QKI: variants seen among roughly 807,000 people sequenced by gnomAD.
The protein encoded by QKI is QKI, KH domain containing RNA binding, also known as KH domain-containing RNA-binding protein QKI.
In QKI, 10 loss-of-function variants were observed where a neutral mutation model predicts 39.0. That is an observed-to-expected ratio of 0.26 (90% CI 0.16 to 0.43). QKI has a LOEUF of 0.43. Ranked by LOEUF, QKI falls within the 20% of genes least tolerant of loss-of-function variation. The pLI is 1.00. For synonymous variants in QKI, 204 were observed against 155.4 expected, an observed-to-expected ratio of 1.31 and a Z score of -2.33; for missense variants, 218 against 428.0, an observed-to-expected ratio of 0.51 and a Z score of 4.33.
At chr6:163,415,585 G>C (rs1787387060) in intron 1 of QKI, among the ~76,000 whole-genome samples, 1 of 151,740 alleles carries the variant, frequency 6.6e-6, no homozygotes, top group Non-Finnish European at 1.5e-5. Flanking sequence ...CGTCCAAGTT[G>C]GCGCGTTGCG....
chr6:163,416,412 C>G (rs1211960350), intron 1 of QKI: 1 of 160,490 alleles, frequency 6.2e-6, no homozygotes, highest in African/African-American at 2.4e-5. Context: ...ATCGACTGGC[C>G]AGGAGTTTGT....
At chr6:163,416,546 A>G (rs528754342) in intron 1 of QKI, 2 of 152,442 alleles carry the variant, frequency 1.3e-5, no homozygotes, top group East Asian at 1.9e-4. Context: ...TTTTAAAAAT[A>G]GAGTCGGGGA....
intron 2 of QKI, among the ~76,000 whole-genome samples, chr6:163,475,456 A>G (rs1401864050): frequency 6.6e-6 from 1 of 152,186 alleles, no homozygotes; most frequent in African/African-American, 2.4e-5. Flanking sequence ...GAGGTTGTGC[A>G]TAGGTTATGT....
At chr6:163,418,211 G>C (rs899662256) in intron 1 of QKI, among the ~76,000 whole-genome samples, 1 of 151,824 alleles carries the variant, frequency 6.6e-6, no homozygotes, top group Non-Finnish European at 1.5e-5. Context: ...GCTTAGAGTA[G>C]ATGTATTTTC....
At chr6:163,472,733 A>G (rs1429108788) in intron 2 of QKI, among the ~76,000 whole-genome samples, 3 of 152,190 alleles carry the variant, frequency 2.0e-5, no homozygotes, top group Admixed American at 2.0e-4. Context: ...ACAGGAAATT[A>G]TATGTTGAAA....
intron 4 of QKI, among the ~76,000 whole-genome samples, chr6:163,538,625 A>C (rs886179855): frequency 2.0e-5 from 3 of 152,320 alleles, no homozygotes; most frequent in African/African-American, 7.2e-5. Flanking sequence ...AAGGAGGGAC[A>C]AAGTGTAATT....
At chr6:163,489,999 C>T (rs939665901) in intron 3 of QKI, among the ~76,000 whole-genome samples, 3 of 151,994 alleles carry the variant, frequency 2.0e-5, no homozygotes, top group African/African-American at 4.8e-5. Flanking sequence ...TACCATTTGA[C>T]GAGATGATTA....
chr6:163,557,577 G>A lies in QKI; in HGVS notation c.547-4405G>A, dbSNP rs142080220. Among the ~76,000 whole-genome samples, 39 of 152,228 alleles carry A rather than the reference G, an allele frequency of 2.6e-4. No homozygotes were observed. The East Asian group carries it at 6.8e-3, about 26-fold the overall frequency. On this transcript the variant is annotated intron_variant, in intron 4 of 7. Transcript: ENST00000361752. ...CACAGTGGGAATGGTTGACGGGTAC[G>A]ATAATATAGTTAGAATGAGTAAGAT...
intron 4 of QKI, among the ~76,000 whole-genome samples, chr6:163,559,047 TCA>T (rs1428157734): frequency 2.6e-5 from 4 of 152,244 alleles, no homozygotes; most frequent in Non-Finnish European, 5.9e-5. Flanking sequence ...ACAGTGGTAA[TCA>T]CACACATTTC....
chr6:163,559,509 A>G (rs2128249313), intron 4 of QKI, among the ~76,000 whole-genome samples: 2 of 152,314 alleles, frequency 1.3e-5, no homozygotes, highest in Admixed American at 1.3e-4. Flanking sequence ...GTTTTTAACA[A>G]ATAATTTCTG....
intron 1 of QKI, among the ~76,000 whole-genome samples, chr6:163,431,817 A>G (rs953744382): frequency 8.5e-6 from 1 of 118,266 alleles, no homozygotes; most frequent in Non-Finnish European, 1.7e-5. Context: ...AAAAAAACAA[A>G]AAACTGTTCT....
intron 4 of QKI, among the ~76,000 whole-genome samples, chr6:163,537,081 G>A (rs549176001): frequency 6.0e-4 from 91 of 152,224 alleles, no homozygotes; most frequent in African/African-American, 2.1e-3. Context: ...GGTGGCACAT[G>A]CCTATAGTCC....
At chr6:163,517,324 C>G (rs374505127) in intron 3 of QKI, among the ~76,000 whole-genome samples, 1 of 152,154 alleles carries the variant, frequency 6.6e-6, no homozygotes, top group African/African-American at 2.4e-5. Flanking sequence ...AGGATAATCT[C>G]CCTGTTGATT....
chr6:163,416,652 AGTTCT>A (rs1787531029), intron 1 of QKI, among the ~76,000 whole-genome samples: 1 of 152,242 alleles, frequency 6.6e-6, no homozygotes, highest in Non-Finnish European at 1.5e-5. Flanking sequence ...AAATCCCAGG[AGTTCT>A]GTTGTCTTGA....
chr6:163,541,480 T>A lies in QKI; in HGVS notation c.546+6355T>A, dbSNP rs1356350413. 3.4e-5 allele frequency among the ~76,000 whole-genome samples: 5 copies of A among 147,634 alleles called. No individual in the cohort carries two copies. The South Asian group carries it at 1.1e-3, about 32-fold the overall frequency. On this transcript the variant is annotated intron_variant, in intron 4 of 7. Transcript: ENST00000361752. The stretch of plus-strand genomic sequence containing the variant: ...ATGAAGATAGTTGAAAGCACTCAGA[T>A]CTTCTCCTATGTCTACCCTTTTTTT...
intron 3 of QKI, among the ~76,000 whole-genome samples, chr6:163,509,155 G>GTCAATCAA (rs1779283908): frequency 6.6e-6 from 1 of 151,086 alleles, no homozygotes; most frequent in African/African-American, 2.4e-5. Context: ...CAGTCAATCA[G>GTCAATCAA]TCAGTCAATC....
intron 3 of QKI, among the ~76,000 whole-genome samples, chr6:163,520,639 A>G (rs1160081803): frequency 6.6e-6 from 1 of 152,178 alleles, no homozygotes; most frequent in Non-Finnish European, 1.5e-5. Flanking sequence ...CATATGACCT[A>G]TGTCCAAATC....
chr6:163,511,265 T>C (rs1240370627), intron 3 of QKI, among the ~76,000 whole-genome samples: 1 of 152,152 alleles, frequency 6.6e-6, no homozygotes, highest in Non-Finnish European at 1.5e-5. Context: ...TATTTAATTA[T>C]GTTGGAATAA....
intron 3 of QKI, among the ~76,000 whole-genome samples, chr6:163,505,864 T>A (rs767528768): frequency 6.6e-6 from 1 of 151,928 alleles, no homozygotes; most frequent in Non-Finnish European, 1.5e-5. Flanking sequence ...TTTGGAGGGG[T>A]CAGGGGCGGA....
Sources: gnomAD v4.1 joint callset for allele counts (sites outside exome capture counted in the v4.1 genomes callset) on GRCh38, gnomAD v4.1.1 for gene constraint, MANE v1.5 for transcripts, NCBI Gene and HGNC (gene_info 2026-07-23, HGNC 2026-07-21) for gene names.